Variants in SGCD observed in about 807,000 individuals in gnomAD.
SGCD encodes sarcoglycan delta.
A neutral mutation model predicts 36.6 loss-of-function variants in SGCD; 18 were observed. The observed-to-expected ratio is 0.49, with a 90% CI of 0.34 to 0.73. The LOEUF is 0.73. SGCD is among the 30% of genes least tolerant of loss of function. The pLI, the probability that SGCD is intolerant of heterozygous loss-of-function variation, is 0.01. For missense variants in SGCD, 387 were observed against 346.7 expected (o/e 1.12, Z -0.92); for synonymous variants, 133 against 130.6 (o/e 1.02, Z -0.12).
intron 3 of SGCD, among the ~76,000 whole-genome samples, chr5:156,144,382 C>A (rs1416887640): frequency 6.6e-6 from 1 of 152,200 alleles, no homozygotes; most frequent in African/African-American, 2.4e-5. Flanking sequence ...TATTTCTCCA[C>A]ATCCTCTCCA....
intron 3 of SGCD, among the ~76,000 whole-genome samples, chr5:156,499,790 T>G (rs979569094): frequency 2.0e-5 from 3 of 152,218 alleles, no homozygotes; most frequent in Non-Finnish European, 4.4e-5. Context: ...TTTCTTTTGT[T>G]GCTATCATTC....
At chr5:156,110,119 CTGTGGTTACAAG>C (rs1291147522) in intron 1 of SGCD, among the ~76,000 whole-genome samples, 4 of 152,176 alleles carry the variant, frequency 2.6e-5, no homozygotes, top group Admixed American at 2.6e-4. Flanking sequence ...CAGCACAGTG[CTGTGGTTACAAG>C]TGTGGACTCC....
chr5:156,511,012 T>C (rs1294008189), intron 4 of SGCD, among the ~76,000 whole-genome samples: 5 of 152,222 alleles, frequency 3.3e-5, no homozygotes, highest in African/African-American at 1.2e-4. Flanking sequence ...ATATACCTGC[T>C]TGTAAGCTTA....
chr5:155,877,865 A>G (rs1032185247), intron 1 of SGCD, among the ~76,000 whole-genome samples: 2 of 152,136 alleles, frequency 1.3e-5, no homozygotes, highest in African/African-American at 4.8e-5. Context: ...TTATGACTAT[A>G]GGAAAGGGTC....
chr5:156,070,204 G>A (rs558446453), intron 1 of SGCD, among the ~76,000 whole-genome samples: 11 of 150,998 alleles, frequency 7.3e-5, no homozygotes, highest in Non-Finnish European at 1.2e-4. Flanking sequence ...TCCCTGTCTT[G>A]TGCCAGTTTT....
At chr5:155,992,854 A>C (rs1313965062) in intron 1 of SGCD, among the ~76,000 whole-genome samples, 1 of 152,052 alleles carries the variant, frequency 6.6e-6, no homozygotes, top group African/African-American at 2.4e-5. Flanking sequence ...TGATGCTTTG[A>C]CCTCTGGGAC....
chr5:155,948,779 C>T (rs1757496265), intron 1 of SGCD, among the ~76,000 whole-genome samples: 1 of 152,124 alleles, frequency 6.6e-6, no homozygotes, highest in South Asian at 2.1e-4. Context: ...TTTTGTTTAT[C>T]AGTTACCCAG....
the SGCD span, among the ~76,000 whole-genome samples, chr5:155,838,573 T>C: frequency 9.6e-3 from 1,464 of 152,250 alleles, 24 homozygotes; most frequent in African/African-American, 0.034. Context: ...TGGGGGTTTC[T>C]GAGACACTTT....
chr5:155,960,799 G>GTTAT (rs1409084384), intron 1 of SGCD, among the ~76,000 whole-genome samples: 3 of 152,042 alleles, frequency 2.0e-5, no homozygotes, highest in Non-Finnish European at 4.4e-5. Context: ...AATCCACAAT[G>GTTAT]TTATAATCCA....
intron 1 of SGCD, among the ~76,000 whole-genome samples, chr5:156,077,090 G>T (rs576240811): frequency 6.6e-6 from 1 of 151,888 alleles, no homozygotes; most frequent in African/African-American, 2.4e-5. Flanking sequence ...TTTCTTTTAC[G>T]TTTTTCTGGA....
chr5:156,457,279 T>A (rs952901480), intron 3 of SGCD, among the ~76,000 whole-genome samples: 17 of 152,222 alleles, frequency 1.1e-4, no homozygotes, highest in Admixed American at 7.2e-4. Flanking sequence ...ACTCTTGCTA[T>A]GCCTTTGATC....
intron 6 of SGCD, among the ~76,000 whole-genome samples, chr5:156,605,157 G>A (rs916069137): frequency 5.9e-5 from 9 of 151,900 alleles, no homozygotes; most frequent in Admixed American, 1.3e-4. Flanking sequence ...CCATTAACTC[G>A]TCATTTAACA....
At chr5:155,862,407 C>G in the SGCD span, among the ~76,000 whole-genome samples, 1 of 152,152 alleles carries the variant, frequency 6.6e-6, no homozygotes, top group Non-Finnish European at 1.5e-5. Flanking sequence ...TAGCTCACTG[C>G]AGCCTTGAAC....
chr5:155,917,267 C>T (rs551992738), intron 1 of SGCD, among the ~76,000 whole-genome samples: 2 of 152,204 alleles, frequency 1.3e-5, no homozygotes, highest in East Asian at 1.9e-4. Flanking sequence ...TGACTCCATG[C>T]AGGAGAATAG....
chr5:155,827,680 T>G, the SGCD span, among the ~76,000 whole-genome samples: 3 of 135,228 alleles, frequency 2.2e-5, no homozygotes, highest in African/African-American at 8.4e-5. Context: ...TTCTTTTTTT[T>G]TTTTTTTTTT....
At chr5:155,799,548 T>G in the SGCD span, among the ~76,000 whole-genome samples, 2 of 151,840 alleles carry the variant, frequency 1.3e-5, no homozygotes, top group African/African-American at 2.4e-5. Context: ...AGTGCCATCA[T>G]GCCCAGCTAA....
chr5:156,767,627 C>A lies in SGCD; in HGVS notation c.*8237C>A, dbSNP rs1463169384. ...GTTTTGAATAACATCAATCCTTGCA[C>A]ACTCTATGCAAAAATTTTGTAAGCA... On this transcript the variant is annotated 3_prime_UTR_variant, in exon 9 of 9. Transcript: ENST00000337851. 1 of 152,018 alleles carries A rather than the reference C, an allele frequency of 6.6e-6. No individual in the cohort carries two copies. Among genetic ancestry groups the A allele is most frequent in the Non-Finnish European group, 1.5e-5 (1 of 68,014 alleles). 9.4% of individuals were successfully genotyped at this position (152,018 alleles called of 1,614,324 possible).
the SGCD span, among the ~76,000 whole-genome samples, chr5:155,828,472 G>T: frequency 6.6e-6 from 1 of 152,220 alleles, no homozygotes; most frequent in African/African-American, 2.4e-5. Context: ...CAATGATTCT[G>T]TTAAGAAAAT....
In SGCD at chr5:156,103,091, C is replaced by T. The variant is rs542738722; in HGVS notation, c.-281-14787C>T. On this transcript the variant is annotated intron_variant, in intron 1 of 9. Transcript: ENST00000517913. ...GCAATTCTTAACAGTAATCAGTATA[C>T]AAGATTCATTAATTGGATTGATCTT... 5.4e-4 allele frequency among the ~76,000 whole-genome samples: 82 copies of T among 152,272 alleles called. No individual in the cohort carries two copies. In the South Asian group the frequency reaches 0.01, roughly 19 times the overall value.
Sources: gnomAD v4.1 joint callset for allele counts (sites outside exome capture counted in the v4.1 genomes callset) on GRCh38, gnomAD v4.1.1 for gene constraint, MANE v1.5 for transcripts, NCBI Gene and HGNC (gene_info 2026-07-23, HGNC 2026-07-21) for gene names.